SSBP1: variants seen among roughly 807,000 people sequenced by gnomAD.
SSBP1 encodes single-stranded DNA-binding protein, mitochondrial.
A neutral mutation model predicts 27.0 loss-of-function variants in SSBP1; 20 were observed. The ratio of observed to expected loss-of-function variants is 0.74; its 90% CI spans 0.52 to 1.08. SSBP1 has a LOEUF of 1.08. Ranked by LOEUF, SSBP1 falls within the 50% of genes least tolerant of loss-of-function variation. The pLI, the probability that SSBP1 is intolerant of heterozygous loss-of-function variation, is 0.00. For synonymous variants in SSBP1, 59 were observed against 59.3 expected (o/e 1.00, Z 0.02); for missense variants, 137 against 182.4 (o/e 0.75, Z 1.44).
intron 5 of SSBP1, among the ~76,000 whole-genome samples, chr7:141,744,993 T>C (rs1341438838): frequency 1.3e-5 from 2 of 152,220 alleles, no homozygotes; most frequent in Non-Finnish European, 2.9e-5. Context: ...CTCTAAGTGG[T>C]ATACTAAGCT....
In SSBP1 at chr7:141,747,539, G is replaced by A. The variant is rs185951520; in HGVS notation, c.403+1955G>A. Among the ~76,000 whole-genome samples, 617 of 151,422 alleles carry A rather than the reference G, an allele frequency of 4.1e-3. 8 individuals carry two copies. The highest frequency in any genetic ancestry group is 0.04 in the East Asian group (203 of 5,040). ...TGAGTAGCTGGGACTACAGGCACGC[G>A]CCACCACGCCCAGCTAATTTTTGTA... On this transcript the variant is annotated intron_variant, in intron 6 of 6. Coordinates refer to ENST00000265304, the MANE Select transcript of SSBP1 (RefSeq NM_003143.3).
chr7:141,744,603 CTTG>C (rs1169814243), intron 5 of SSBP1, among the ~76,000 whole-genome samples: 3 of 152,138 alleles, frequency 2.0e-5, no homozygotes, highest in Admixed American at 2.0e-4. Flanking sequence ...TAGAAATGTA[CTTG>C]TTTTGTAGAA....
rs1469802700 is a variant in SSBP1, at chr7:141,746,790, G to A, written c.403+1206G>A. Among the ~76,000 whole-genome samples the A allele has an allele frequency of 2.0e-5, 3 of 152,080 alleles. No homozygotes were observed. In the East Asian group the frequency reaches 5.8e-4, roughly 29 times the overall value. ...AATTTTGAAAATAATATACCCCTCT[G>A]GATGTCTGCAAGCGACATTAAGAAA... On this transcript the variant is annotated intron_variant, in intron 6 of 6. Coordinates refer to ENST00000265304, the MANE Select transcript of SSBP1 (RefSeq NM_003143.3).
intron 6 of SSBP1, among the ~76,000 whole-genome samples, chr7:141,750,003 A>G (rs1459785329): frequency 6.6e-6 from 1 of 152,150 alleles, no homozygotes; most frequent in African/African-American, 2.4e-5. Flanking sequence ...GACCATTGCA[A>G]GCATCCAATT....
chr7:141,742,288 G>A lies in SSBP1; in HGVS notation c.85+59G>A, dbSNP rs1051266780. The A allele has an allele frequency of 8.9e-6, 12 of 1,351,198 alleles. No homozygotes were observed. The African/African-American group carries it at 1.6e-4, about 18-fold the overall frequency. The allele number at this position is 1,351,198 out of a possible 1,614,324, so 83.7% of individuals were successfully genotyped here. ...TTTTAGTAATTTGCCAATCTCAAAT[G>A]TGTTGTAGAAGAGGTATGCTGCTTG... On this transcript the variant is annotated intron_variant, in intron 3 of 6. Transcript: ENST00000265304.
chr7:141,742,198 C>G lies in SSBP1; in HGVS notation c.54C>G (p.Ser18=), dbSNP rs143728224. 3 of 1,600,818 alleles carry G rather than the reference C, an allele frequency of 1.9e-6. No individual in the cohort carries two copies. Among genetic ancestry groups the G allele is most frequent in the African/African-American group, 2.7e-5 (2 of 74,776 alleles). ...QVLRQFVRHE[S]ETTTSLVLER... ...TTCGTCAGTTTGTAAGACATGAGTCCGAAACAACTACCAGTTTGGTTCTTG... is the reference window on the plus strand; with the variant it reads ...TTCGTCAGTTTGTAAGACATGAGTCGGAAACAACTACCAGTTTGGTTCTTG... The change falls in exon 3 of 7, where the codon TCC becomes TCG. Residue 18 remains serine (S), a synonymous_variant. Transcript: ENST00000265304.
In SSBP1 at chr7:141,750,435, A is replaced by G; in HGVS notation, c.*81A>G. On this transcript the variant is annotated 3_prime_UTR_variant, in exon 7 of 7. Coordinates refer to ENST00000265304, the MANE Select transcript of SSBP1 (RefSeq NM_003143.3). ...ATAATCTTTATGGCTTCCAAGGACA[A>G]GAATTAAAATACTCTTTTACGTAAA... 1 of 1,170,254 alleles carries G rather than the reference A, an allele frequency of 8.5e-7. No individual in the cohort carries two copies. The highest frequency in any genetic ancestry group is 1.2e-6 in the Non-Finnish European group (1 of 828,752). The allele number at this position is 1,170,254 out of a possible 1,614,324, so 72.5% of individuals were successfully genotyped here.
At chr7:141,743,405 C>T (rs1240753472) in intron 3 of SSBP1, among the ~76,000 whole-genome samples, 156 bp from the exon 4 acceptor site, 1 of 152,228 alleles carries the variant, frequency 6.6e-6, no homozygotes, top group East Asian at 1.9e-4. Flanking sequence ...ACCTCACCCT[C>T]ATGACGTCAT....
Position 141,742,223 on chromosome 7 carries a change from G to T in SSBP1, c.79G>T (p.Glu27Ter), listed in dbSNP as rs745368595. Residue 27 changes from glutamate to a stop codon, truncating the protein, a stop_gained, in exon 3 of 7, where the codon GAA (glutamate) becomes TAA (stop). Coordinates refer to ENST00000265304, the MANE Select transcript of SSBP1 (RefSeq NM_003143.3). LOFTEE classifies it high-confidence loss of function. ...CGAAACAACTACCAGTTTGGTTCTTGAAAGATGTAAGTAGCTAATTTCCAA... is the reference window on the plus strand; with the variant it reads ...CGAAACAACTACCAGTTTGGTTCTTTAAAGATGTAAGTAGCTAATTTCCAA... ...ESETTTSLVLERSLNRVHLLG... is the reference protein window; with the variant it reads ...ESETTTSLVL The T allele has an allele frequency of 6.2e-7, 1 of 1,602,862 alleles. No individual in the cohort carries two copies. The highest frequency in any genetic ancestry group is 8.5e-7 in the Non-Finnish European group (1 of 1,170,962).
At chr7:141,748,124 T>G (rs1799850995) in intron 6 of SSBP1, among the ~76,000 whole-genome samples, 1 of 151,818 alleles carries the variant, frequency 6.6e-6, no homozygotes, top group South Asian at 2.1e-4. Flanking sequence ...GACAGTGTTA[T>G]ATCCATGCCT....
Position 141,741,841 on chromosome 7 carries a change from A to G in SSBP1, c.25-328A>G, listed in dbSNP as rs1000307776. On this transcript the variant is annotated intron_variant, in intron 2 of 6. Coordinates refer to ENST00000265304, the MANE Select transcript of SSBP1 (RefSeq NM_003143.3). ...TATCATACTCTGTAATGTTAAAGTGATACTATTTTGATTTTTCCTTTTGTG... is the reference window on the plus strand; with the variant it reads ...TATCATACTCTGTAATGTTAAAGTGGTACTATTTTGATTTTTCCTTTTGTG... The G allele has an allele frequency of 4.9e-6, 5 of 1,017,080 alleles. No individual in the cohort carries two copies. In the African/African-American group the frequency reaches 6.7e-5, roughly 14 times the overall value. The allele number at this position is 1,017,080 out of a possible 1,614,324, so 63.0% of individuals were successfully genotyped here. A position where few individuals can be genotyped will look rare whatever the true frequency, so the allele number is the denominator to read the frequency against.
At chr7:141,745,716 C>A in intron 6 of SSBP1, 132 bp downstream of exon 6, 1 of 1,413,198 alleles carries the variant, frequency 7.1e-7, no homozygotes, top group South Asian at 1.7e-5. Flanking sequence ...AGAAGATGTC[C>A]ATAACTCTTA....
intron 2 of SSBP1, 180 bp downstream of exon 2, chr7:141,739,370 CA>C (rs919165184): frequency 3.3e-4 from 139 of 425,336 alleles, no homozygotes; most frequent in South Asian, 7.6e-4. Flanking sequence ...TTCACTAAAA[CA>C]AAAAAAAAGT....
chr7:141,746,548 G>C (rs1388198846), intron 6 of SSBP1: 1 of 152,166 alleles, frequency 6.6e-6, no homozygotes, highest in African/African-American at 2.4e-5. Flanking sequence ...GTTTCACCAT[G>C]TTGCCCAGGC....
Position 141,745,836 on chromosome 7 carries a change from A to G in SSBP1, c.403+252A>G, listed in dbSNP as rs909252672. On this transcript the variant is annotated intron_variant, in intron 6 of 6. Coordinates refer to ENST00000265304, the MANE Select transcript of SSBP1 (RefSeq NM_003143.3). ...TTTGAATAAAGCCTAAAACTGAATT[A>G]TCCATCCCAGTACTTATTGTTGAGA... 9 of 1,245,402 alleles carry G rather than the reference A, an allele frequency of 7.2e-6. No individual in the cohort carries two copies. The Admixed American group carries it at 1.1e-4, about 15-fold the overall frequency. The allele number at this position is 1,245,402 out of a possible 1,614,324, so 77.1% of individuals were successfully genotyped here.
chr7:141,750,412 A>G lies in SSBP1; in HGVS notation c.*58A>G. ...ACAGTCTCATTTCCAAGTCATGTAT[A>G]ATCTTTATGGCTTCCAAGGACAAGA... On this transcript the variant is annotated 3_prime_UTR_variant, in exon 7 of 7. Coordinates refer to ENST00000265304, the MANE Select transcript of SSBP1 (RefSeq NM_003143.3). 7.3e-7 allele frequency: 1 copy of G among 1,361,308 alleles called. No homozygotes were observed. Among genetic ancestry groups the G allele is most frequent in the Non-Finnish European group, 1.0e-6 (1 of 990,378 alleles). The allele number at this position is 1,361,308 out of a possible 1,614,324, so 84.3% of individuals were successfully genotyped here.
intron 1 of SSBP1, 38 bp from the exon 2 acceptor site, chr7:141,739,086 A>T: frequency 7.9e-7 from 1 of 1,261,490 alleles, no homozygotes; most frequent in Non-Finnish European, 1.1e-6. Context: ...TTGCCATAAG[A>T]GGTAATGTTT....
At position 141,742,566 on chromosome 7, in the gene SSBP1, T is replaced by C. The variant is rs117807028; in HGVS notation, c.85+337T>C. Among the ~76,000 whole-genome samples, 1,955 of 152,320 alleles carry C rather than the reference T, an allele frequency of 0.013. 71 individuals are homozygous for C. The South Asian group carries it at 0.15, about 12-fold the overall frequency. On this transcript the variant is annotated intron_variant, in intron 3 of 6. Transcript: ENST00000265304. ...TTGTTTCTTCACAGAAATATTCCCT[T>C]GTGTTTATAAAGATTTTCAGATCTC...
At chr7:141,744,088 G>A (rs1386029252) in intron 5 of SSBP1, 99 bp downstream of exon 5, 2 of 985,338 alleles carry the variant, frequency 2.0e-6, no homozygotes, top group South Asian at 3.3e-5. Context: ...AAATCCCTGA[G>A]TACTACTAAT....
Sources: allele counts gnomAD v4.1 joint callset (sites outside exome capture counted in the v4.1 genomes callset), GRCh38; gene constraint gnomAD v4.1.1; transcripts MANE v1.5; gene names NCBI Gene and HGNC (gene_info 2026-07-23, HGNC 2026-07-21).